The following RTN4 variants were observed in gnomAD, a reference collection of about 807,000 sequenced individuals.
RTN4 encodes reticulon 4, also known as reticulon-4.
Under a neutral mutation model 90.4 loss-of-function variants are expected in RTN4, and 32 were observed. The observed-to-expected ratio is 0.35, with a 90% CI of 0.27 to 0.48. The LOEUF is 0.48. Among genes scored for constraint, RTN4 ranks in the 20% least tolerant of loss-of-function variants. The probability of loss-of-function intolerance (pLI) is 0.99; values close to 1 mark genes in which losing one functional copy is unlikely to be tolerated. For missense variants in RTN4, 1,706 were observed against 1,430.2 expected, an observed-to-expected ratio of 1.19 and a Z score of -3.11; for synonymous variants, 629 against 552.5, an observed-to-expected ratio of 1.14 and a Z score of -1.94.
chr2:55,127,341 A>G, the RTN4 span, among the ~76,000 whole-genome samples: 1 of 152,210 alleles, frequency 6.6e-6, no homozygotes. Context: ...ACGCTTGGGC[A>G]GCTTTCATAA....
chr2:55,115,958 T>A (rs1668117045), upstream of RTN4, among the ~76,000 whole-genome samples: 1 of 152,218 alleles, frequency 6.6e-6, no homozygotes, highest in African/African-American at 2.4e-5. Context: ...GGTAAGCTAG[T>A]AAGCTAGTGC....
chr2:55,124,102 T>A, the RTN4 span, among the ~76,000 whole-genome samples: 4 of 152,170 alleles, frequency 2.6e-5, no homozygotes, highest in Non-Finnish European at 4.4e-5. Flanking sequence ...GCCCCACACA[T>A]AGATGCTGCA....
intron 1 of RTN4, among the ~76,000 whole-genome samples, chr2:55,109,161 A>T (rs1558883561): frequency 6.6e-6 from 1 of 152,170 alleles, no homozygotes; most frequent in African/African-American, 2.4e-5. Flanking sequence ...AAATGAAAAA[A>T]ACAGTTATAT....
chr2:55,109,187 A>G (rs1188025307), intron 1 of RTN4, among the ~76,000 whole-genome samples: 1 of 152,194 alleles, frequency 6.6e-6, no homozygotes, highest in Non-Finnish European at 1.5e-5. Context: ...AAGAGTGCTA[A>G]ATTCCTTTAA....
At chr2:55,066,932 G>C (rs546206607) in intron 2 of RTN4, among the ~76,000 whole-genome samples, 2 of 152,020 alleles carry the variant, frequency 1.3e-5, no homozygotes, top group Non-Finnish European at 2.9e-5. Context: ...GAAATAATTT[G>C]CATGTTCAAC....
chr2:55,102,881 G>A (rs1277559961), intron 1 of RTN4, among the ~76,000 whole-genome samples: 2 of 152,078 alleles, frequency 1.3e-5, no homozygotes, highest in Non-Finnish European at 2.9e-5. Flanking sequence ...CACTTTGGGA[G>A]GCTGAGGCGG....
intron 5 of RTN4, among the ~76,000 whole-genome samples, chr2:54,979,052 A>ATT (rs148796765): frequency 2.1e-5 from 3 of 144,576 alleles, no homozygotes; most frequent in Admixed American, 6.9e-5. Context: ...GATTTTAATA[A>ATT]TTTTTTTTTT....
chr2:55,093,407 T>A (rs113965287), intron 1 of RTN4, among the ~76,000 whole-genome samples: 14 of 148,506 alleles, frequency 9.4e-5, no homozygotes, highest in African/African-American at 3.2e-4. Flanking sequence ...ATTTATTTTA[T>A]ATATATATAG....
chr2:55,066,879 G>A (rs781126591), intron 2 of RTN4, among the ~76,000 whole-genome samples: 18 of 151,946 alleles, frequency 1.2e-4, no homozygotes, highest in Non-Finnish European at 1.9e-4. Context: ...AACAGAAGTA[G>A]GTATATGAAA....
chr2:55,055,512 A>C (rs190674351), upstream of RTN4, among the ~76,000 whole-genome samples: 19 of 152,324 alleles, frequency 1.2e-4, no homozygotes, highest in African/African-American at 4.6e-4. Context: ...TCACGCCTGT[A>C]ATCCCAGCAC....
intron 2 of RTN4, among the ~76,000 whole-genome samples, chr2:55,067,179 C>T (rs1290096831): frequency 6.6e-6 from 1 of 152,060 alleles, no homozygotes; most frequent in Admixed American, 6.6e-5. Context: ...GGCTCTCTGA[C>T]GTAAAATAAG....
Position 55,026,871 on chromosome 2 carries a change from C to G in RTN4, c.1228G>C (p.Gly410Arg). 3 of 1,613,840 alleles carry G rather than the reference C, an allele frequency of 1.9e-6. No individual in the cohort carries two copies. The highest frequency in any genetic ancestry group is 1.7e-6 in the Non-Finnish European group (2 of 1,179,900). ...CTTTCCAAGTTGCTCTCGATTTTACCTCCAGCAGCCAACATATCACTATCT... is the reference window on the plus strand; with the variant it reads ...CTTTCCAAGTTGCTCTCGATTTTACGTCCAGCAGCCAACATATCACTATCT... Reference protein sequence around the residue: ...KEDSDMLAAGGKIESNLESKV... With the variant: ...KEDSDMLAAGRKIESNLESKV... Residue 410 changes from glycine to arginine, a missense_variant, in exon 3 of 9, where the codon GGT becomes CGT. Gly to Arg is a moderately radical substitution (Grantham distance 125, BLOSUM62 -2). Coordinates refer to ENST00000337526, the MANE Select transcript of RTN4 (RefSeq NM_020532.5).
intron 1 of RTN4, among the ~76,000 whole-genome samples, chr2:55,090,466 C>T (rs12105622): frequency 0.02 from 2,998 of 152,246 alleles, 94 homozygotes; most frequent in African/African-American, 0.067. Context: ...GAGAAGAGGA[C>T]GTCATGGAGG....
chr2:55,031,295 C>T (rs1682294817), intron 1 of RTN4, among the ~76,000 whole-genome samples: 2 of 152,212 alleles, frequency 1.3e-5, no homozygotes, highest in African/African-American at 2.4e-5. Context: ...GACTACGCTG[C>T]TTTCTGTCTG....
In RTN4 at chr2:55,025,686, G is replaced by A. The variant is rs1361351180; in HGVS notation, c.2413C>T (p.Leu805Phe). The change falls in exon 3 of 9, where the codon CTC becomes TTC. Residue 805 changes from leucine to phenylalanine, a missense_variant. Leu to Phe is a conservative substitution (Grantham distance 22, BLOSUM62 0). Coordinates refer to ENST00000337526, the MANE Select transcript of RTN4 (RefSeq NM_020532.5). The stretch of plus-strand genomic sequence containing the variant: ...GTATCTTTTGTGTTATCTAAACTGA[G>A]CTTAAAAGATTCCAAATATGGCTTT... ...GGKPYLESFK[L>F]SLDNTKDTLL... 2.5e-6 allele frequency: 4 copies of A among 1,613,664 alleles called. No homozygotes were observed. Among genetic ancestry groups the A allele is most frequent in the Non-Finnish European group, 3.4e-6 (4 of 1,179,818 alleles).
At chr2:55,013,618 G>A (rs1429402233) in intron 3 of RTN4, among the ~76,000 whole-genome samples, 77 of 109,542 alleles carry the variant, frequency 7.0e-4, no homozygotes, top group African/African-American at 1.6e-3. Context: ...TGGGGGGGGG[G>A]GAGGGTGTAG....
chr2:55,120,740 A>G, the RTN4 span, among the ~76,000 whole-genome samples: 2 of 152,216 alleles, frequency 1.3e-5, no homozygotes, highest in African/African-American at 4.8e-5. Context: ...GAGACATGCC[A>G]TCTCCAGGCA....
At chr2:55,047,576 A>C (rs377153831) in intron 1 of RTN4, among the ~76,000 whole-genome samples, 1 of 1,352 alleles carries the variant, frequency 7.4e-4, no homozygotes, top group Non-Finnish European at 1.4e-3. Flanking sequence ...GTGAATTGAG[A>C]AAAAAAAAAA....
At chr2:55,020,841 T>C (rs1165026726) in intron 3 of RTN4, among the ~76,000 whole-genome samples, 1 of 151,928 alleles carries the variant, frequency 6.6e-6, no homozygotes, top group Non-Finnish European at 1.5e-5. Context: ...AGACCTCCTC[T>C]CTACAAAAAT....
Sources: allele counts gnomAD v4.1 joint callset (sites outside exome capture counted in the v4.1 genomes callset), GRCh38; gene constraint gnomAD v4.1.1; transcripts MANE v1.5; gene names NCBI Gene and HGNC (gene_info 2026-07-23, HGNC 2026-07-21).